NEDD8: variants seen among roughly 807,000 people sequenced by gnomAD.
NEDD8 encodes ubiquitin-like protein NEDD8.
A neutral mutation model predicts 13.8 loss-of-function variants in NEDD8; 1 was observed. That is an observed-to-expected ratio of 0.07 (90% CI 0.03 to 0.34). The LOEUF (loss-of-function observed/expected upper bound fraction) is 0.34, where lower values mean the gene tolerates loss of function less well. Among genes scored for constraint, NEDD8 ranks in the 10% least tolerant of loss-of-function variants. NEDD8 has a pLI of 0.99. For missense variants in NEDD8, 10 were observed against 95.2 expected (o/e 0.10, Z 3.73); for synonymous variants, 31 against 33.2 (o/e 0.93, Z 0.23).
intron 1 of NEDD8, among the ~76,000 whole-genome samples, chr14:24,221,891 C>T (rs868154630): frequency 2.0e-5 from 3 of 152,124 alleles, no homozygotes; most frequent in African/African-American, 4.8e-5. Context: ...CCACCGCACC[C>T]GACCACAAAT....
At position 24,218,374 on chromosome 14, in the gene NEDD8, C is replaced by T. The variant is rs761583057; in HGVS notation, c.66+10G>A. 9.3e-6 allele frequency: 15 copies of T among 1,614,068 alleles called. No homozygotes were observed. The East Asian group carries it at 3.1e-4, about 34-fold the overall frequency. On this transcript the variant is annotated intron_variant, in intron 2 of 3. Coordinates refer to ENST00000250495, the MANE Select transcript of NEDD8 (RefSeq NM_006156.3). ...AAGAAGTACATGAAGAGGAGTTGGG[C>T]ATGCATCACCTTGTCTGTAGGTTCA...
At chr14:24,223,638 T>C (rs2039843143) in intron 1 of NEDD8, among the ~76,000 whole-genome samples, 2 of 151,484 alleles carry the variant, frequency 1.3e-5, no homozygotes, top group African/African-American at 4.9e-5. Flanking sequence ...AGCCTCCAAC[T>C]CCTGGGCTGA....
At chr14:24,229,437 C>A (rs2039952671) in intron 1 of NEDD8, among the ~76,000 whole-genome samples, 2 of 152,156 alleles carry the variant, frequency 1.3e-5, no homozygotes, top group African/African-American at 2.4e-5. Context: ...CCAGGCTGGT[C>A]TTGAACTCCT....
chr14:24,230,175 A>C (rs1289160380), intron 1 of NEDD8, among the ~76,000 whole-genome samples: 1 of 150,224 alleles, frequency 6.7e-6, no homozygotes, highest in Non-Finnish European at 1.5e-5. Context: ...ATATAAAATA[A>C]AATAAAAAAT....
At position 24,232,359 on chromosome 14, in the gene NEDD8, G is replaced by T; in HGVS notation, c.-92C>A. On this transcript the variant is annotated 5_prime_UTR_variant, in exon 1 of 4. Coordinates refer to ENST00000250495, the MANE Select transcript of NEDD8 (RefSeq NM_006156.3). ...CCCTCCAGCACTCTTGCCTGCAAGG[G>T]CCACTTCTACTTCCGGGTCACTGTC... 7.2e-7 allele frequency: 1 copy of T among 1,387,000 alleles called. No homozygotes were observed. The highest frequency in any genetic ancestry group is 1.5e-5 in the African/African-American group (1 of 66,676). The allele number at this position is 1,387,000 out of a possible 1,614,324, so 85.9% of individuals were successfully genotyped here.
rs1325457985 is a variant in NEDD8 at position 24,217,982 on chromosome 14, C to T, written c.149+151G>A. On this transcript the variant is annotated intron_variant, in intron 3 of 3. Coordinates refer to ENST00000250495, the MANE Select transcript of NEDD8 (RefSeq NM_006156.3). The stretch of plus-strand genomic sequence containing the variant: ...GTTTTATGCCTGAAAAAATCTTATT[C>T]TGAGAAGGGGCTTAGAGGCTTCACC... 7.7e-6 allele frequency: 6 copies of T among 774,728 alleles called. No individual in the cohort carries two copies. The African/African-American group carries it at 1.0e-4, about 13-fold the overall frequency. 48.0% of individuals were successfully genotyped at this position (774,728 alleles called of 1,614,324 possible). A position where few individuals can be genotyped will look rare whatever the true frequency, so the allele number is the denominator to read the frequency against.
In NEDD8 at chr14:24,218,079, C is replaced by A. The variant is rs775153108; in HGVS notation, c.149+54G>T. 9.3e-6 allele frequency: 15 copies of A among 1,611,402 alleles called. No homozygotes were observed. The African/African-American group carries it at 1.3e-4, about 14-fold the overall frequency. ...TCCACCTCAGTACGTGCCCCCTCTC[C>A]TCTTCTCATCTTCACATAAGATCGC... On this transcript the variant is annotated intron_variant, in intron 3 of 3. Transcript: ENST00000250495.
chr14:24,226,403 G>C (rs1329316707), intron 1 of NEDD8, among the ~76,000 whole-genome samples: 1 of 145,718 alleles, frequency 6.9e-6, no homozygotes, highest in East Asian at 2.0e-4. Flanking sequence ...CCGAGATCGT[G>C]CCACCGCACT....
At chr14:24,229,930 G>A (rs2039961778) in intron 1 of NEDD8, among the ~76,000 whole-genome samples, 1 of 151,888 alleles carries the variant, frequency 6.6e-6, no homozygotes, top group Admixed American at 6.6e-5. Context: ...AATTAGCTGG[G>A]CGTGGTGGCA....
chr14:24,229,845 A>C (rs574296250), intron 1 of NEDD8, among the ~76,000 whole-genome samples: 1 of 152,180 alleles, frequency 6.6e-6, no homozygotes, highest in African/African-American at 2.4e-5. Context: ...GGCGGAGGTG[A>C]GCGGATCACT....
At chr14:24,218,626 G>T in intron 1 of NEDD8, 195 bp from the exon 2 acceptor site, 1 of 690,566 alleles carries the variant, frequency 1.4e-6, no homozygotes, top group Non-Finnish European at 2.4e-6. Flanking sequence ...AAACAACTTT[G>T]ATAGGGCAAG....
At position 24,217,042 on chromosome 14, in the gene NEDD8, C is replaced by T. The variant is rs148028333; in HGVS notation, c.*85G>A. 2.5e-5 allele frequency: 26 copies of T among 1,034,256 alleles called. No individual in the cohort carries two copies. Among genetic ancestry groups the T allele is most frequent in the Middle Eastern group, 2.6e-4 (1 of 3,832 alleles). The allele number at this position is 1,034,256 out of a possible 1,614,324, so 64.1% of individuals were successfully genotyped here. ...ATTACTGGGCATCCAGGGGAGGGGG[C>T]AGTGGCTATGGTGTCCCAGAGAGTG... On this transcript the variant is annotated 3_prime_UTR_variant, in exon 4 of 4. Coordinates refer to ENST00000250495, the MANE Select transcript of NEDD8 (RefSeq NM_006156.3).
At chr14:24,230,180 A>C (rs551424132) in intron 1 of NEDD8, among the ~76,000 whole-genome samples, 1 of 150,836 alleles carries the variant, frequency 6.6e-6, no homozygotes, top group East Asian at 2.0e-4. Context: ...AAATAAAATA[A>C]AAAATTTCAG....
chr14:24,218,329 T>G, intron 2 of NEDD8, 55 bp downstream of exon 2: 1 of 1,614,118 alleles, frequency 6.2e-7, no homozygotes, highest in Non-Finnish European at 8.5e-7. Context: ...CATAAGCATA[T>G]GCAAACAAAT....
At chr14:24,224,975 A>G (rs1450687093) in intron 1 of NEDD8, among the ~76,000 whole-genome samples, 3 of 152,196 alleles carry the variant, frequency 2.0e-5, no homozygotes, top group Non-Finnish European at 2.9e-5. Flanking sequence ...CCTGGCCAAC[A>G]TGGCAAAATG....
intron 1 of NEDD8, chr14:24,227,460 C>G (rs527993805): frequency 9.2e-5 from 14 of 152,168 alleles, no homozygotes; most frequent in Admixed American, 2.6e-4. Flanking sequence ...GGATGTATTA[C>G]AGAGACATAA....
intron 1 of NEDD8, among the ~76,000 whole-genome samples, chr14:24,224,310 C>T (rs1294737529): frequency 1.3e-5 from 2 of 152,142 alleles, no homozygotes; most frequent in East Asian, 1.9e-4. Flanking sequence ...ATGATCCACC[C>T]GCCTCGGCCT....
chr14:24,219,432 G>C (rs976092486), intron 1 of NEDD8, among the ~76,000 whole-genome samples: 3 of 122,230 alleles, frequency 2.5e-5, no homozygotes, highest in Non-Finnish European at 4.7e-5. Context: ...GCAGCAGTAA[G>C]CCACGATTGT....
At chr14:24,229,868 C>T (rs572952003) in intron 1 of NEDD8, among the ~76,000 whole-genome samples, 2 of 152,002 alleles carry the variant, frequency 1.3e-5, no homozygotes, top group South Asian at 2.1e-4. Context: ...GTCAAGAGAT[C>T]GATACCATCC....
Sources: allele counts gnomAD v4.1 joint callset (sites outside exome capture counted in the v4.1 genomes callset), GRCh38; gene constraint gnomAD v4.1.1; transcripts MANE v1.5; gene names NCBI Gene and HGNC (gene_info 2026-07-23, HGNC 2026-07-21).